DMXL2: variants seen among roughly 807,000 people sequenced by gnomAD.
DMXL2 encodes the protein Dmx like 2.
In DMXL2, 103 loss-of-function variants were observed where a neutral mutation model predicts 331.1. That is an observed-to-expected ratio of 0.31 (90% CI 0.27 to 0.37). The LOEUF (loss-of-function observed/expected upper bound fraction) is 0.37, where lower values mean the gene tolerates loss of function less well. DMXL2 is among the 10% of genes least tolerant of loss of function. The probability of loss-of-function intolerance (pLI) is 1.00; values close to 1 mark genes in which losing one functional copy is unlikely to be tolerated. For synonymous variants in DMXL2, 1,281 were observed against 1,252.1 expected (o/e 1.02, Z -0.49); for missense variants, 3,171 against 3,642.9 (o/e 0.87, Z 3.33).
chr15:51,471,521 C>G, intron 28 of DMXL2, 120 bp from the exon 29 acceptor site: 1 of 914,054 alleles, frequency 1.1e-6, no homozygotes, highest in Non-Finnish European at 1.6e-6. Context: ...ATTACTTATT[C>G]CTGTGCTTCT....
chr15:51,471,126 C>G, intron 29 of DMXL2, 97 bp downstream of exon 29: 1 of 1,201,060 alleles, frequency 8.3e-7, no homozygotes. Flanking sequence ...TGATTCAATC[C>G]AAAAGCTACC....
chr15:51,492,563 C>T (rs544204239), intron 19 of DMXL2, among the ~76,000 whole-genome samples: 22 of 152,244 alleles, frequency 1.4e-4, no homozygotes, highest in Non-Finnish European at 2.4e-4. Context: ...AAAATCTTTA[C>T]TGACGCTATT....
chr15:51,538,094 T>G (rs372457421), intron 10 of DMXL2, 119 bp downstream of exon 10: 2 of 1,281,260 alleles, frequency 1.6e-6, no homozygotes, highest in Non-Finnish European at 1.1e-6. Flanking sequence ...TAAATACTTG[T>G]GTAACAAATA....
intron 6 of DMXL2, among the ~76,000 whole-genome samples, chr15:51,562,580 C>T (rs2050038473): frequency 6.6e-6 from 1 of 151,920 alleles, no homozygotes; most frequent in East Asian, 1.9e-4. Flanking sequence ...CTCATGTTCC[C>T]AGAATACCTC....
chr15:51,519,975 T>C (rs1227061879), intron 13 of DMXL2, among the ~76,000 whole-genome samples: 2 of 152,180 alleles, frequency 1.3e-5, no homozygotes, highest in Non-Finnish European at 2.9e-5. Context: ...CTAACTCCTA[T>C]GTTGAGAACA....
chr15:51,502,949 G>A lies in DMXL2; in HGVS notation c.2849C>T (p.Pro950Leu). Residue 950 changes from proline (P) to leucine (L), a missense_variant, in exon 17 of 44, where the codon CCT (proline) becomes CTT (leucine). Transcript: ENST00000560891. ...KNVDSSPETSPSVSPMPHSSS... is the reference protein window; with the variant it reads ...KNVDSSPETSLSVSPMPHSSS... ...AGAATGTGGCATGGGGCTCACACTA[G>A]GAGAGGTTTCTGGAGAAGAATCTAC... The A allele has an allele frequency of 1.2e-6, 2 of 1,614,042 alleles. No homozygotes were observed. The highest frequency in any genetic ancestry group is 1.7e-6 in the Non-Finnish European group (2 of 1,179,946).
intron 1 of DMXL2, among the ~76,000 whole-genome samples, chr15:51,586,953 CCATT>C (rs1222113747): frequency 1.4e-5 from 2 of 146,974 alleles, no homozygotes; most frequent in Non-Finnish European, 3.0e-5. Flanking sequence ...TAAGAATAAA[CCATT>C]CAAAGTATTC....
intron 4 of DMXL2, among the ~76,000 whole-genome samples, chr15:51,564,585 T>A (rs936308545): frequency 1.3e-5 from 2 of 152,058 alleles, no homozygotes; most frequent in Admixed American, 1.3e-4. Flanking sequence ...ATATACCACA[T>A]AAAATGTCCT....
intron 43 of DMXL2, 89 bp downstream of exon 43, chr15:51,450,040 G>GCT: frequency 1.9e-5 from 24 of 1,235,252 alleles, no homozygotes; most frequent in Non-Finnish European, 2.3e-5. Flanking sequence ...GTGAAATAAA[G>GCT]TGAAGCTTTA....
At chr15:51,473,395 CA>C (rs1273479348) in intron 28 of DMXL2, among the ~76,000 whole-genome samples, 1 of 152,128 alleles carries the variant, frequency 6.6e-6, no homozygotes, top group Non-Finnish European at 1.5e-5. Context: ...TCAGAAAACT[CA>C]GGCAGAGAAA....
chr15:51,492,980 TA>T (rs2042916618), intron 19 of DMXL2, among the ~76,000 whole-genome samples: 1 of 152,218 alleles, frequency 6.6e-6, no homozygotes, highest in Non-Finnish European at 1.5e-5. Flanking sequence ...CTATTATGAT[TA>T]TTTTGAATAA....
chr15:51,513,126 A>G (rs979466388), intron 15 of DMXL2, among the ~76,000 whole-genome samples: 1 of 152,212 alleles, frequency 6.6e-6, no homozygotes, highest in African/African-American at 2.4e-5. Context: ...AGCACTGAGG[A>G]AATCTTTTGG....
intron 9 of DMXL2, among the ~76,000 whole-genome samples, chr15:51,541,560 C>T (rs2048597974): frequency 1.3e-5 from 2 of 152,010 alleles, no homozygotes; most frequent in Non-Finnish European, 2.9e-5. Flanking sequence ...CTGCAGATCA[C>T]CCTTTTAGAA....
rs2038876403 is a variant in DMXL2, at chr15:51,448,663, T to G, written c.*321A>C. The G allele has an allele frequency of 6.5e-6, 2 of 309,642 alleles. No homozygotes were observed. The highest frequency in any genetic ancestry group is 4.5e-5 in the Admixed American group (1 of 22,298). 19.2% of individuals were successfully genotyped at this position (309,642 alleles called of 1,614,324 possible). A position where few individuals can be genotyped will look rare whatever the true frequency, so the allele number is the denominator to read the frequency against. ...AATCAGCAACATTTTCTTCCTTAAT[T>G]TGGTATAAACGTCCTTTTCATTATT... On this transcript the variant is annotated 3_prime_UTR_variant, in exon 44 of 44. Coordinates refer to ENST00000560891, the MANE Select transcript of DMXL2 (RefSeq NM_001378457.1).
At chr15:51,472,630 C>T (rs1214979043) in intron 28 of DMXL2, among the ~76,000 whole-genome samples, 1 of 152,090 alleles carries the variant, frequency 6.6e-6, no homozygotes, top group Non-Finnish European at 1.5e-5. Flanking sequence ...CAATATGAGA[C>T]TTTTTGTGTC....
intron 2 of DMXL2, among the ~76,000 whole-genome samples, chr15:51,575,766 G>T (rs1440445513): frequency 1.3e-5 from 2 of 152,056 alleles, no homozygotes; most frequent in Admixed American, 6.6e-5. Context: ...TCCCCTTACT[G>T]GCTTAATGGC....
chr15:51,457,342 T>C lies in DMXL2; in HGVS notation c.8323A>G (p.Thr2775Ala), dbSNP rs1053778170. The change falls in exon 37 of 44, where the codon ACT becomes GCT. Residue 2775 changes from threonine to alanine, a missense_variant. By Grantham distance (58) the Thr-to-Ala change is moderately conservative (BLOSUM62 0). Coordinates refer to ENST00000560891, the MANE Select transcript of DMXL2 (RefSeq NM_001378457.1). ...AAATAACATACCACACTAGCTCCAG[T>C]GCTAGTCTGTCCAGTGCCCAGCCAT... Reference protein sequence around the residue: ...LPWLGTGQTSTGASVLMKRNL... With the variant: ...LPWLGTGQTSAGASVLMKRNL... 1.2e-6 allele frequency: 2 copies of C among 1,613,942 alleles called. No individual in the cohort carries two copies. The highest frequency in any genetic ancestry group is 2.7e-5 in the African/African-American group (2 of 74,912).
chr15:51,465,704 G>C, intron 30 of DMXL2, 53 bp from the exon 31 acceptor site: 3 of 1,298,500 alleles, frequency 2.3e-6, no homozygotes, highest in Non-Finnish European at 3.2e-6. Context: ...AATCATGGGA[G>C]AAACAGAGTG....
At chr15:51,621,941 G>A (rs1280389980) in intron 1 of DMXL2, among the ~76,000 whole-genome samples, 4 of 152,152 alleles carry the variant, frequency 2.6e-5, no homozygotes, top group Admixed American at 6.5e-5. Flanking sequence ...TACAGAGTCA[G>A]GCTTAAAGCC....
Sources: gnomAD v4.1 joint callset for allele counts (sites outside exome capture counted in the v4.1 genomes callset) on GRCh38, gnomAD v4.1.1 for gene constraint, MANE v1.5 for transcripts, NCBI Gene and HGNC (gene_info 2026-07-23, HGNC 2026-07-21) for gene names.